The following C7 variants were observed in gnomAD, a reference collection of about 807,000 sequenced individuals.
C7 encodes complement C7, also known as complement component C7.
A neutral mutation model predicts 104.8 loss-of-function variants in C7; 83 were observed. The observed-to-expected ratio is 0.79, with a 90% CI of 0.66 to 0.95. The LOEUF is 0.95. Ranked by LOEUF, C7 falls within the 40% of genes least tolerant of loss-of-function variation. The probability of loss-of-function intolerance (pLI) is 0.00; values close to 1 mark genes in which losing one functional copy is unlikely to be tolerated. For missense variants in C7, 1,070 were observed against 1,011.2 expected (o/e 1.06, Z -0.79); for synonymous variants, 415 against 360.6 (o/e 1.15, Z -1.71).
At chr5:40,942,001 T>C (rs907615360) in intron 6 of C7, among the ~76,000 whole-genome samples, 15 of 151,956 alleles carry the variant, frequency 9.9e-5, no homozygotes, top group South Asian at 4.1e-4. Context: ...AAAAGAAAAC[T>C]AGAAAGCCAA....
At chr5:40,951,717 A>C (rs1740174661) in intron 9 of C7, among the ~76,000 whole-genome samples, 1 of 152,206 alleles carries the variant, frequency 6.6e-6, no homozygotes, top group African/African-American at 2.4e-5. Context: ...TAGACTGAGC[A>C]GTATCAGAGT....
chr5:40,916,458 A>G (rs1739318802), intron 1 of C7, among the ~76,000 whole-genome samples: 1 of 152,194 alleles, frequency 6.6e-6, no homozygotes, highest in Admixed American at 6.5e-5. Context: ...TTTTAAAATC[A>G]GCCATTTGCA....
intron 16 of C7, among the ~76,000 whole-genome samples, chr5:40,977,111 T>C (rs1365730250): frequency 2.0e-5 from 3 of 152,284 alleles, no homozygotes; most frequent in Non-Finnish European, 4.4e-5. Flanking sequence ...TGGAGCAAAA[T>C]GGCAAAACTG....
chr5:40,924,991 T>G (rs28770573), intron 1 of C7, among the ~76,000 whole-genome samples: 34,517 of 152,160 alleles, frequency 0.23, 4,111 homozygotes, highest in East Asian at 0.31. Flanking sequence ...CTATTAACAC[T>G]TGGCTTCCTT....
At chr5:40,966,482 A>G (rs1264564729) in intron 14 of C7, among the ~76,000 whole-genome samples, 1 of 151,348 alleles carries the variant, frequency 6.6e-6, no homozygotes, top group Non-Finnish European at 1.5e-5. Context: ...ACATTCAAAC[A>G]ATTCTCCTGC....
In C7 at chr5:40,955,560, C is replaced by A. The variant is rs1397891226; in HGVS notation, c.1260+7C>A. Reference sequence around the variant, plus strand: ...TCAAGTCATAAAACAAAAGGTATGTCAGGCTTTGTTTAAAGCAATAGGAAG... The same window carrying A: ...TCAAGTCATAAAACAAAAGGTATGTAAGGCTTTGTTTAAAGCAATAGGAAG... On this transcript the variant is annotated splice_region_variant and intron_variant, in intron 10 of 17. Coordinates refer to ENST00000313164, the MANE Select transcript of C7 (RefSeq NM_000587.4). 6.2e-7 allele frequency: 1 copy of A among 1,608,692 alleles called. No individual in the cohort carries two copies. The highest frequency in any genetic ancestry group is 2.2e-5 in the East Asian group (1 of 44,700).
chr5:40,918,664 A>G (rs189116330), intron 1 of C7, among the ~76,000 whole-genome samples: 11 of 147,452 alleles, frequency 7.5e-5, no homozygotes, highest in African/African-American at 2.9e-4. Context: ...TATAAGACAA[A>G]ATAGACTTAA....
intron 1 of C7, among the ~76,000 whole-genome samples, chr5:40,927,554 A>C (rs531171927): frequency 6.6e-6 from 1 of 152,154 alleles, no homozygotes; most frequent in Admixed American, 6.5e-5. Flanking sequence ...GCAAGAAGAC[A>C]AAAAACCCAA....
At chr5:40,922,746 G>T (rs1339275583) in intron 1 of C7, among the ~76,000 whole-genome samples, 1 of 149,432 alleles carries the variant, frequency 6.7e-6, no homozygotes, top group East Asian at 2.0e-4. Context: ...ATCTCTGTAA[G>T]AAATGGTTTT....
chr5:40,983,513 C>A lies in C7; in HGVS notation c.*1940C>A, dbSNP rs1031312800. ...GTCAAGGAGAGGAGAAGGAGAGGAG[C>A]AGTGAATGTTGTCGTGAAGAGGTGT... On this transcript the variant is annotated 3_prime_UTR_variant, in exon 18 of 18. Transcript: ENST00000313164. Among the ~76,000 whole-genome samples the A allele has an allele frequency of 6.6e-6, 1 of 152,036 alleles. No homozygotes were observed. The highest frequency in any genetic ancestry group is 1.5e-5 in the Non-Finnish European group (1 of 68,016).
intron 16 of C7, among the ~76,000 whole-genome samples, chr5:40,979,362 A>T (rs1325393086): frequency 1.3e-5 from 2 of 152,112 alleles, no homozygotes; most frequent in Admixed American, 6.5e-5. Flanking sequence ...TTTGACTATG[A>T]TCACATTGAA....
rs1454504828 is a variant in C7 at position 40,965,639 on chromosome 5, TATA to T, written c.1882+767_1882+769del. ...GTGAGTGTATAGTGATATATATATATATATATATATTTTTTTTTTGGAGACAGA... is the reference window on the plus strand; with the variant it reads ...GTGAGTGTATAGTGATATATATATATTATATATTTTTTTTTTGGAGACAGA... On this transcript the variant is annotated intron_variant, in intron 14 of 17. Coordinates refer to ENST00000313164, the MANE Select transcript of C7 (RefSeq NM_000587.4). Among the ~76,000 whole-genome samples the T allele has an allele frequency of 5.2e-3, 420 of 80,380 alleles. 6 individuals carry two copies. Among genetic ancestry groups the T allele is most frequent in the African/African-American group, 0.023 (316 of 13,970 alleles). The allele number at this position is 80,380 out of a possible 152,430, so 52.7% of individuals were successfully genotyped here.
intron 9 of C7, among the ~76,000 whole-genome samples, chr5:40,951,487 AG>A (rs1164562196): frequency 2.0e-5 from 3 of 152,290 alleles, no homozygotes; most frequent in African/African-American, 7.2e-5. Context: ...GGAGGAATCA[AG>A]GGTTGAAAAA....
intron 9 of C7, among the ~76,000 whole-genome samples, chr5:40,951,839 G>A (rs1740177336): frequency 1.3e-5 from 2 of 152,192 alleles, no homozygotes; most frequent in Non-Finnish European, 2.9e-5. Context: ...GAAGGAGGAA[G>A]ATAAGTAGTA....
chr5:40,945,875 C>CATATAT lies in C7; in HGVS notation c.738+536_738+541dup, dbSNP rs58480949. ...TGAGACCCTGTCTCAAAAAAAAATA[C>CATATAT]ATATATATATATATATATATATATA... On this transcript the variant is annotated intron_variant, in intron 7 of 17. Coordinates refer to ENST00000313164, the MANE Select transcript of C7 (RefSeq NM_000587.4). 4.9e-3 allele frequency among the ~76,000 whole-genome samples: 626 copies of CATATAT among 127,258 alleles called. 3 individuals are homozygous for CATATAT. Among genetic ancestry groups the CATATAT allele is most frequent in the South Asian group, 6.8e-3 (25 of 3,692 alleles). 83.5% of individuals were successfully genotyped at this position (127,258 alleles called of 152,430 possible).
At chr5:40,975,005 A>C (rs1740783722) in intron 15 of C7, among the ~76,000 whole-genome samples, 1 of 152,134 alleles carries the variant, frequency 6.6e-6, no homozygotes, top group Admixed American at 6.5e-5. Context: ...CAGTTGTAAA[A>C]ACCAAAGATG....
chr5:40,981,358 T>G, intron 17 of C7, 34 bp from the exon 18 acceptor site: 1 of 1,587,704 alleles, frequency 6.3e-7, no homozygotes, highest in Non-Finnish European at 8.6e-7. Flanking sequence ...ACCTCCACAA[T>G]GTACCATTAA....
At chr5:40,977,090 T>C (rs1332770868) in intron 16 of C7, among the ~76,000 whole-genome samples, 1 of 152,178 alleles carries the variant, frequency 6.6e-6, no homozygotes, top group East Asian at 1.9e-4. Flanking sequence ...CTGCTTGTTT[T>C]ATATATAAAA....
intron 6 of C7, among the ~76,000 whole-genome samples, chr5:40,941,761 T>C (rs1481604910): frequency 2.0e-5 from 3 of 152,174 alleles, no homozygotes; most frequent in Non-Finnish European, 4.4e-5. Flanking sequence ...CCCTCTGAGA[T>C]GGGTAAAGAC....
Sources: gnomAD v4.1 joint callset for allele counts (sites outside exome capture counted in the v4.1 genomes callset) on GRCh38, gnomAD v4.1.1 for gene constraint, MANE v1.5 for transcripts, NCBI Gene and HGNC (gene_info 2026-07-23, HGNC 2026-07-21) for gene names.